CYP4F2: variants seen among roughly 807,000 people sequenced by gnomAD.
CYP4F2 encodes the protein cytochrome P450 family 4 subfamily F member 2.
In CYP4F2, 58 loss-of-function variants were observed where a neutral mutation model predicts 58.9. The ratio of observed to expected loss-of-function variants is 0.98; its 90% CI spans 0.80 to 1.23. The LOEUF (loss-of-function observed/expected upper bound fraction) is 1.23. Among genes scored for constraint, CYP4F2 ranks in the 50% most tolerant of loss-of-function variants. CYP4F2 has a pLI of 0.00. For missense variants in CYP4F2, 616 were observed against 685.6 expected (o/e 0.90, Z 1.13); for synonymous variants, 287 against 261.1 (o/e 1.10, Z -0.95).
intron 5 of CYP4F2, among the ~76,000 whole-genome samples, chr19:15,891,496 T>G (rs936981184): frequency 6.6e-6 from 1 of 152,154 alleles, no homozygotes; most frequent in African/African-American, 2.4e-5. Context: ...TCGCAAAACC[T>G]TTGCCACAAT....
chr19:15,880,933 G>A (rs1234627407), intron 9 of CYP4F2, among the ~76,000 whole-genome samples: 1 of 152,214 alleles, frequency 6.6e-6, no homozygotes, highest in Non-Finnish European at 1.5e-5. Context: ...CAGTGCAAAT[G>A]TTCTTTGATT....
In CYP4F2 at chr19:15,897,532, G is replaced by A. The variant is rs771576634; in HGVS notation, c.80C>T (p.Ala27Val). Reference protein sequence around the residue: ...SPWLLLLLVGASWLLAHVLAW... With the variant: ...SPWLLLLLVGVSWLLAHVLAW... ...CAGGACATGGGCCAGGAGCCAGGAG[G>A]CCCCGACCAGCAGGAGGAGCAGCCA... The change falls in exon 2 of 13, where the codon GCC (alanine) becomes GTC (valine). Residue 27 changes from alanine to valine, a missense_variant. Physicochemically the swap from Ala to Val is moderately conservative, Grantham distance 64 (BLOSUM62 0). Transcript: ENST00000221700. 1.3e-5 allele frequency: 21 copies of A among 1,614,012 alleles called. No individual in the cohort carries two copies. In the East Asian group the frequency reaches 4.7e-4, roughly 36 times the overall value.
At chr19:15,893,862 CCTT>C (rs1332579401) in intron 3 of CYP4F2, 14 of 263,836 alleles carry the variant, frequency 5.3e-5, no homozygotes, top group African/African-American at 3.2e-4. Context: ...GTATAGGAGA[CCTT>C]CTTCTGAGCT....
At position 15,879,375 on chromosome 19, in the gene CYP4F2, CA is replaced by C. The variant is rs1234822837; in HGVS notation, c.1367del (p.Leu456ArgfsTer23). 6.2e-7 allele frequency: 1 copy of C among 1,614,104 alleles called. No homozygotes were observed. Among genetic ancestry groups the C allele is most frequent in the Admixed American group, 1.7e-5 (1 of 60,018 alleles). The part of the protein sequence containing the change: ...DPENIKERSP[L>X]AFIPFSAGPR... Reference sequence around the variant, plus strand: ...GCCCTGCCGAGAAGGGAATAAAAGCCAGAGGTGACCTCTCCTTGATGTTCTC... The same window carrying C: ...GCCCTGCCGAGAAGGGAATAAAAGCCGAGGTGACCTCTCCTTGATGTTCTC... On this transcript the variant is annotated frameshift_variant, in exon 12 of 13. Coordinates refer to ENST00000221700, the MANE Select transcript of CYP4F2 (RefSeq NM_001082.5). LOFTEE classifies it high-confidence loss of function.
intron 5 of CYP4F2, among the ~76,000 whole-genome samples, chr19:15,890,695 C>A (rs566506263): frequency 8.8e-4 from 134 of 152,274 alleles, no homozygotes; most frequent in African/African-American, 3.2e-3. Flanking sequence ...AACTCATTAC[C>A]CTCCCCTATA....
At chr19:15,891,506 T>C (rs1462093886) in intron 5 of CYP4F2, among the ~76,000 whole-genome samples, 1 of 152,182 alleles carries the variant, frequency 6.6e-6, no homozygotes, top group Non-Finnish European at 1.5e-5. Context: ...TTTGCCACAA[T>C]TCTTCCCTTC....
chr19:15,886,360 A>T (rs763566047), intron 7 of CYP4F2, 52 bp from the exon 8 acceptor site: 3 of 1,415,234 alleles, frequency 2.1e-6, no homozygotes, highest in African/African-American at 3.2e-5. Flanking sequence ...AAAAAGTCAC[A>T]CTAGCTCTAA....
Position 15,892,564 on chromosome 19 carries a change from T to C in CYP4F2, c.362A>G (p.Asp121Gly), listed in dbSNP as rs1482481320. The C allele has an allele frequency of 6.2e-7, 1 of 1,614,024 alleles. No individual in the cohort carries two copies. Among genetic ancestry groups the C allele is most frequent in the South Asian group, 1.1e-5 (1 of 91,072 alleles). ...INASAAIAPK[D>G]KFFYSFLEPW... The stretch of plus-strand genomic sequence containing the variant: ...CTCCAGGAAGCTGTAGAAGAACTTG[T>C]CCTTTGGTGCAATGGCAGCTGACAT... Residue 121 changes from aspartate to glycine, a missense_variant, in exon 4 of 13, where the codon GAC (aspartate) becomes GGC (glycine). Physicochemically the swap from Asp to Gly is moderately conservative, Grantham distance 94. Transcript: ENST00000221700.
In CYP4F2 at chr19:15,885,931, T is replaced by C; in HGVS notation, c.1108A>G (p.Ile370Val). 6.2e-7 allele frequency: 1 copy of C among 1,613,470 alleles called. No individual in the cohort carries two copies. ...ACAAGCACCTGCACTCACCATTCAA[T>C]CTCTTTAGGCTCACGGTCCTTCAGA... ...ELLKDREPKE[I>V]EWDDLAHLPF... Residue 370 changes from isoleucine to valine, a missense_variant, in exon 9 of 13, where the codon ATT becomes GTT. Coordinates refer to ENST00000221700, the MANE Select transcript of CYP4F2 (RefSeq NM_001082.5).
chr19:15,897,350 G>T, intron 2 of CYP4F2, 64 bp downstream of exon 2: 61 of 945,094 alleles, frequency 6.5e-5, no homozygotes, highest in Middle Eastern at 2.4e-4. Context: ...CACTCCCTAA[G>T]CCTCGTACCC....
At chr19:15,893,346 G>A (rs369621988) in intron 3 of CYP4F2, among the ~76,000 whole-genome samples, 17 of 152,164 alleles carry the variant, frequency 1.1e-4, no homozygotes, top group Admixed American at 2.6e-4. Flanking sequence ...AGGAGAAAAC[G>A]GCAGTGTCAA....
At chr19:15,890,269 T>C in intron 6 of CYP4F2, 43 bp downstream of exon 6, 1 of 1,613,252 alleles carries the variant, frequency 6.2e-7, no homozygotes, top group Non-Finnish European at 8.5e-7. Context: ...CTACCCACTT[T>C]GGGTCCACAG....
Position 15,889,456 on chromosome 19 carries a change from A to T in CYP4F2, c.885T>A (p.Thr295=). 6.2e-7 allele frequency: 1 copy of T among 1,614,130 alleles called. No homozygotes were observed. Among genetic ancestry groups the T allele is most frequent in the Non-Finnish European group, 8.5e-7 (1 of 1,180,020 alleles). The stretch of plus-strand genomic sequence containing the variant: ...GCAGGAGTACATCAATGAAGTCCAA[A>T]GTCTTGGATTTGGCCTTGGCTTGGA... ...DFLQAKAKSK[T]LDFIDVLLLS... Residue 295 remains threonine, a synonymous_variant, in exon 7 of 13, where the codon ACT becomes ACA. Coordinates refer to ENST00000221700, the MANE Select transcript of CYP4F2 (RefSeq NM_001082.5).
intron 1 of CYP4F2, 147 bp from the exon 2 acceptor site, chr19:15,897,759 A>G: frequency 1.0e-6 from 1 of 983,316 alleles, no homozygotes; most frequent in Non-Finnish European, 1.5e-6. Context: ...CTGAGAGGTA[A>G]AGTCCAGAAA....
At chr19:15,890,490 C>G in intron 5 of CYP4F2, 57 bp from the exon 6 acceptor site, 1 of 1,599,344 alleles carries the variant, frequency 6.3e-7, no homozygotes, top group Middle Eastern at 1.7e-4. Context: ...GAGCACCTCT[C>G]CAACCCCAAC....
chr19:15,880,676 G>T (rs2089339494), intron 9 of CYP4F2, among the ~76,000 whole-genome samples: 1 of 151,068 alleles, frequency 6.6e-6, no homozygotes. Flanking sequence ...TATTTTTAAA[G>T]AATCCAAAGA....
intron 2 of CYP4F2, among the ~76,000 whole-genome samples, chr19:15,895,974 A>G (rs897083476): frequency 2.0e-5 from 3 of 151,780 alleles, no homozygotes; most frequent in Non-Finnish European, 4.4e-5. Context: ...TATCTACTCT[A>G]TCTACCCATC....
chr19:15,878,852 G>T lies in CYP4F2; in HGVS notation c.1482C>A (p.Asp494Glu). The change falls in exon 13 of 13, where the codon GAC becomes GAA. Residue 494 changes from aspartate (D) to glutamate (E), a missense_variant. Physicochemically the swap from Asp to Glu is conservative, Grantham distance 45. Coordinates refer to ENST00000221700, the MANE Select transcript of CYP4F2 (RefSeq NM_001082.5). ...LTLLRFRVLP[D>E]HTEPRRKPEL... ...CCGGCTTCCTGCGGGGCTCGGTGTG[G>T]TCAGGCAGGACGCGGAAGCGCAGCA... is the stretch of plus-strand genomic sequence containing the variant. 6.2e-7 allele frequency: 1 copy of T among 1,614,076 alleles called. No individual in the cohort carries two copies. The highest frequency in any genetic ancestry group is 8.5e-7 in the Non-Finnish European group (1 of 1,179,996).
At chr19:15,889,888 G>A (rs2089406599) in intron 6 of CYP4F2, among the ~76,000 whole-genome samples, 195 bp from the exon 7 acceptor site, 1 of 152,114 alleles carries the variant, frequency 6.6e-6, no homozygotes, top group Non-Finnish European at 1.5e-5. Flanking sequence ...TCCCATCTCT[G>A]TGAGATGCCT....
Sources: allele counts gnomAD v4.1 joint callset (sites outside exome capture counted in the v4.1 genomes callset), GRCh38; gene constraint gnomAD v4.1.1; transcripts MANE v1.5; gene names NCBI Gene and HGNC (gene_info 2026-07-23, HGNC 2026-07-21).